GFPT2: variants seen among roughly 807,000 people sequenced by gnomAD.
GFPT2 encodes the protein glutamine--fructose-6-phosphate aminotransferase [isomerizing] 2.
A neutral mutation model predicts 85.6 loss-of-function variants in GFPT2; 62 were observed. The ratio of observed to expected loss-of-function variants is 0.72; its 90% CI spans 0.59 to 0.90. The LOEUF (loss-of-function observed/expected upper bound fraction) is 0.90, where lower values mean the gene tolerates loss of function less well. Ranked by LOEUF, GFPT2 falls within the 40% of genes least tolerant of loss-of-function variation. GFPT2 has a pLI of 0.00. For synonymous variants in GFPT2, 368 were observed against 344.5 expected, an observed-to-expected ratio of 1.07 and a Z score of -0.75; for missense variants, 788 against 893.4, an observed-to-expected ratio of 0.88 and a Z score of 1.50.
intron 1 of GFPT2, among the ~76,000 whole-genome samples, chr5:180,346,292 C>G (rs75517342): frequency 0.015 from 2,343 of 152,270 alleles, 37 homozygotes; most frequent in Admixed American, 0.03. Flanking sequence ...TCCCCACAAT[C>G]AGCATAGAAA....
At chr5:180,336,298 C>T in intron 3 of GFPT2, 181 bp downstream of exon 3, 1 of 635,542 alleles carries the variant, frequency 1.6e-6, no homozygotes, top group Non-Finnish European at 2.8e-6. Context: ...GCGCCGCCAC[C>T]ACCTAAAATA....
rs748266996 is a variant in GFPT2 at position 180,316,486 on chromosome 5, G to T, written c.1153-25C>A. 1.2e-4 allele frequency: 201 copies of T among 1,613,712 alleles called. 1 individual carries two copies. The highest frequency in any genetic ancestry group is 1.5e-4 in the Non-Finnish European group (177 of 1,179,772). ...TCTGAAGCCAACAAGCAAGCATGGA[G>T]ACTAAAGTCAGTCACAGGCACGACA... On this transcript the variant is annotated intron_variant, in intron 12 of 18. Transcript: ENST00000253778.
intron 8 of GFPT2, among the ~76,000 whole-genome samples, 164 bp downstream of exon 8, chr5:180,324,652 G>A (rs988558958): frequency 6.6e-6 from 1 of 152,192 alleles, no homozygotes; most frequent in Non-Finnish European, 1.5e-5. Context: ...ATGGAGCCAA[G>A]TCTCAGTTGC....
rs371998142 is a variant in GFPT2 at position 180,302,583 on chromosome 5, C to A, written c.1844G>T (p.Gly615Val). 6.2e-7 allele frequency: 1 copy of A among 1,608,526 alleles called. No individual in the cohort carries two copies. The highest frequency in any genetic ancestry group is 1.3e-5 in the African/African-American group (1 of 74,800). Residue 615 changes from glycine (G) to valine (V), a missense_variant and splice_region_variant, in exon 18 of 19, where the codon GGT becomes GTT. Gly to Val is a moderately radical substitution (Grantham distance 109, BLOSUM62 -3). Coordinates refer to ENST00000253778, the MANE Select transcript of GFPT2 (RefSeq NM_005110.4). Reference protein sequence around the residue: ...NALQQVTARQGRPIILCSKDD... With the variant: ...NALQQVTARQVRPIILCSKDD... Reference sequence around the variant, plus strand: ...CTTGGAGCACAGTATAATGGGGCGACCCTAGAGCAGAGAAATAGCATCATA... The same window carrying A: ...CTTGGAGCACAGTATAATGGGGCGAACCTAGAGCAGAGAAATAGCATCATA...
chr5:180,313,785 G>T (rs776837801), intron 14 of GFPT2, 22 bp downstream of exon 14: 45 of 1,532,318 alleles, frequency 2.9e-5, no homozygotes, highest in South Asian at 7.2e-5. Flanking sequence ...TCCCTGGGAC[G>T]GGCGCCCGTG....
In GFPT2 at chr5:180,353,228, T is replaced by C; in HGVS notation, c.-11A>G. On this transcript the variant is annotated 5_prime_UTR_variant, in exon 1 of 19. Transcript: ENST00000253778. The stretch of plus-strand genomic sequence containing the variant: ...GCACTCACCGCACATCGTGGCTGCT[T>C]CTCGGGCTCCTTCGCGGCTCGAGGG... 8.1e-7 allele frequency: 1 copy of C among 1,241,464 alleles called. No homozygotes were observed. Among genetic ancestry groups the C allele is most frequent in the Non-Finnish European group, 1.0e-6 (1 of 988,904 alleles). 76.9% of individuals were successfully genotyped at this position (1,241,464 alleles called of 1,614,324 possible).
intron 4 of GFPT2, among the ~76,000 whole-genome samples, chr5:180,334,673 T>G (rs962147167): frequency 2.0e-5 from 3 of 152,192 alleles, no homozygotes; most frequent in African/African-American, 7.2e-5. Flanking sequence ...AATCACTGTC[T>G]TTGCTGTACA....
Position 180,320,248 on chromosome 5 carries a change from T to C in GFPT2, c.795-1292A>G, listed in dbSNP as rs535688550. 1.6e-3 allele frequency among the ~76,000 whole-genome samples: 236 copies of C among 152,180 alleles called. 1 individual carries two copies. The highest frequency in any genetic ancestry group is 2.9e-3 in the Admixed American group (44 of 15,282). ...ACCTCGTGATCCGCCCGCCTCGGCC[T>C]CCCAAAGTGCTGGGATTACAGGTGT... On this transcript the variant is annotated intron_variant, in intron 9 of 18. Coordinates refer to ENST00000253778, the MANE Select transcript of GFPT2 (RefSeq NM_005110.4).
At chr5:180,346,553 C>T (rs1399000950) in intron 1 of GFPT2, among the ~76,000 whole-genome samples, 2 of 152,230 alleles carry the variant, frequency 1.3e-5, no homozygotes, top group Non-Finnish European at 2.9e-5. Context: ...GGGCCCACCG[C>T]GTGACGTCAA....
intron 3 of GFPT2, 29 bp downstream of exon 3, chr5:180,336,450 C>G: frequency 8.1e-7 from 1 of 1,229,738 alleles, no homozygotes; most frequent in Non-Finnish European, 1.2e-6. Flanking sequence ...GCTGCAGCGG[C>G]TCCTCCCACT....
chr5:180,325,041 G>T (rs1764188466), intron 7 of GFPT2, 146 bp from the exon 8 acceptor site: 7 of 645,830 alleles, frequency 1.1e-5, no homozygotes, highest in Non-Finnish European at 1.9e-5. Context: ...CGGACGCCTG[G>T]AGCACAGGAT....
At position 180,313,851 on chromosome 5, in the gene GFPT2, C is replaced by G. The variant is rs977514512; in HGVS notation, c.1387G>C (p.Val463Leu). The change falls in exon 14 of 19, where the codon GTC (valine) becomes CTC (leucine). Residue 463 changes from valine (V) to leucine (L), a missense_variant. Coordinates refer to ENST00000253778, the MANE Select transcript of GFPT2 (RefSeq NM_005110.4). ...ATCTCCGGCCCTGCGTTGATGTGGA[C>G]GCCGCAGTCGGTCTCGCGAGAGATG... ...SSISRETDCG[V>L]HINAGPEIGV... The G allele has an allele frequency of 5.6e-6, 9 of 1,596,100 alleles. No homozygotes were observed. In the South Asian group the frequency reaches 6.7e-5, roughly 12 times the overall value.
Position 180,328,735 on chromosome 5 carries a change from G to A in GFPT2, c.535-397C>T, listed in dbSNP as rs1426455884. Among the ~76,000 whole-genome samples, 1 of 152,202 alleles carries A rather than the reference G, an allele frequency of 6.6e-6. No individual in the cohort carries two copies. Among genetic ancestry groups the A allele is most frequent in the African/African-American group, 2.4e-5 (1 of 41,438 alleles). The stretch of plus-strand genomic sequence containing the variant: ...GAAGTGCACTTTAGCTCAACACACG[G>A]TAGGGCCTGGGTTCAAATCCTGGCT... On this transcript the variant is annotated intron_variant, in intron 6 of 18. Coordinates refer to ENST00000253778, the MANE Select transcript of GFPT2 (RefSeq NM_005110.4). The surrounding 1 kb of genome is among the most constrained non-coding windows in gnomAD (Gnocchi z 5.4).
Position 180,353,250 on chromosome 5 carries a change from AG to A in GFPT2, c.-34del, listed in dbSNP as rs566246829. 1 of 1,239,950 alleles carries A rather than the reference AG, an allele frequency of 8.1e-7. No homozygotes were observed. The highest frequency in any genetic ancestry group is 1.0e-6 in the Non-Finnish European group (1 of 988,098). The allele number at this position is 1,239,950 out of a possible 1,614,324, so 76.8% of individuals were successfully genotyped here. A position where few individuals can be genotyped will look rare whatever the true frequency, so the allele number is the denominator to read the frequency against. The stretch of plus-strand genomic sequence containing the variant: ...GCTTCTCGGGCTCCTTCGCGGCTCG[AG>A]GGGGTCTGCCCGTTCGGACGCTGGG... On this transcript the variant is annotated 5_prime_UTR_variant, in exon 1 of 19. Coordinates refer to ENST00000253778, the MANE Select transcript of GFPT2 (RefSeq NM_005110.4).
intron 9 of GFPT2, among the ~76,000 whole-genome samples, chr5:180,319,852 T>G (rs4323198): frequency 0.023 from 3,433 of 151,838 alleles, 93 homozygotes; most frequent in East Asian, 0.099. Context: ...ACACCAGGGG[T>G]TGCACTCAGC....
chr5:180,315,200 C>T (rs1329300559), intron 13 of GFPT2, among the ~76,000 whole-genome samples: 19 of 144,500 alleles, frequency 1.3e-4, no homozygotes, highest in African/African-American at 4.4e-4. Context: ...TTTTTTGAGA[C>T]GGAGTCTCGC....
intron 4 of GFPT2, among the ~76,000 whole-genome samples, chr5:180,335,016 GAC>G (rs1343382879): frequency 2.6e-5 from 4 of 152,208 alleles, no homozygotes; most frequent in Non-Finnish European, 2.9e-5. Context: ...CCATGCAAGT[GAC>G]ACAGACCTGT....
chr5:180,313,443 G>T (rs1472011356), intron 14 of GFPT2, among the ~76,000 whole-genome samples: 3 of 140,938 alleles, frequency 2.1e-5, no homozygotes, highest in Non-Finnish European at 3.1e-5. Context: ...TACAAAAAAT[G>T]AGCCGGGTGT....
At chr5:180,313,777 C>T in intron 14 of GFPT2, 30 bp downstream of exon 14, 1 of 1,529,336 alleles carries the variant, frequency 6.5e-7, no homozygotes, top group Non-Finnish European at 8.8e-7. Flanking sequence ...CCAGGCTCTC[C>T]CTGGGACGGG....
Sources: gnomAD v4.1 joint callset for allele counts (sites outside exome capture counted in the v4.1 genomes callset) on GRCh38, gnomAD v4.1.1 for gene constraint, Gnocchi (gnomAD v3.1) non-coding constraint, MANE v1.5 for transcripts, NCBI Gene and HGNC (gene_info 2026-07-23, HGNC 2026-07-21) for gene names.